DOT1L: variants seen among roughly 807,000 people sequenced by gnomAD.
DOT1L encodes the protein histone-lysine N-methyltransferase, H3 lysine-79 specific.
A neutral mutation model predicts 153.3 loss-of-function variants in DOT1L; 33 were observed. The ratio of observed to expected loss-of-function variants is 0.22; its 90% CI spans 0.16 to 0.29. DOT1L has a LOEUF of 0.29. DOT1L is among the 10% of genes least tolerant of loss of function. The probability of loss-of-function intolerance (pLI) is 1.00; values close to 1 mark genes in which losing one functional copy is unlikely to be tolerated. For synonymous variants in DOT1L, 1,135 were observed against 965.1 expected (o/e 1.18, Z -3.26); for missense variants, 1,847 against 2,119.9 (o/e 0.87, Z 2.53).
At chr19:2,176,661 A>G (rs370476274) in intron 1 of DOT1L, among the ~76,000 whole-genome samples, 2 of 152,318 alleles carry the variant, frequency 1.3e-5, no homozygotes, top group East Asian at 3.9e-4. Context: ...TTGGGCCGAC[A>G]GCCCCCTCCA....
Position 2,220,513 on chromosome 19 carries a change from G to C in DOT1L, c.2806+291G>C. On this transcript the variant is annotated intron_variant, in intron 23 of 27. Coordinates refer to ENST00000398665, the MANE Select transcript of DOT1L (RefSeq NM_032482.3). The surrounding 1 kb of genome is among the most constrained non-coding windows in gnomAD (Gnocchi z 4.5). ...GAGGTCGGCCCCAGTGCTCTCGGGG[G>C]CTCCTGTACTCACAGCTGGGAGGCC... 3.8e-6 allele frequency: 2 copies of C among 531,348 alleles called. No individual in the cohort carries two copies. 32.9% of individuals were successfully genotyped at this position (531,348 alleles called of 1,614,324 possible).
rs188729048 is a variant in DOT1L at position 2,185,956 on chromosome 19, C to T, written c.200+27C>T. 802 of 1,608,444 alleles carry T rather than the reference C, an allele frequency of 5.0e-4. 4 individuals carry two copies. In the African/African-American group the frequency reaches 6.2e-3, roughly 13 times the overall value. On this transcript the variant is annotated intron_variant, in intron 3 of 27. Coordinates refer to ENST00000398665, the MANE Select transcript of DOT1L (RefSeq NM_032482.3). ...TAAGCAGAGTCCTGTCCAGCCGCTC[C>T]GCTCCGAGGACAGACTCGGCTCTTG...
At chr19:2,178,980 CAG>C (rs2022096634) in intron 1 of DOT1L, among the ~76,000 whole-genome samples, 1 of 152,218 alleles carries the variant, frequency 6.6e-6, no homozygotes, top group Non-Finnish European at 1.5e-5. Context: ...GCTGTGGCCT[CAG>C]TGGCATATAC....
intron 3 of DOT1L, chr19:2,188,287 C>G (rs111704066): frequency 3.0e-4 from 45 of 151,764 alleles, no homozygotes; most frequent in Admixed American, 3.0e-3. Context: ...ATGCAGTGCC[C>G]AGGTGAATTC....
At chr19:2,198,933 C>T (rs1324047089) in intron 7 of DOT1L, among the ~76,000 whole-genome samples, 3 of 152,196 alleles carry the variant, frequency 2.0e-5, no homozygotes, top group South Asian at 2.1e-4. Context: ...TGCGCGGCCT[C>T]GCTGTGCTGT....
rs189233432 is a variant in DOT1L, at chr19:2,220,007, C to T, written c.2692-101C>T. 4.6e-5 allele frequency: 52 copies of T among 1,135,560 alleles called. No homozygotes were observed. In the African/African-American group the frequency reaches 5.4e-4, roughly 12 times the overall value. 70.3% of individuals were successfully genotyped at this position (1,135,560 alleles called of 1,614,324 possible). On this transcript the variant is annotated intron_variant, in intron 22 of 27. Coordinates refer to ENST00000398665, the MANE Select transcript of DOT1L (RefSeq NM_032482.3). This position sits in a 1 kb window ranked among gnomAD's most constrained non-coding sequence, Gnocchi z 4.5. Reference sequence around the variant, plus strand: ...TACTGGACGGTGACCCCGGCGGCCTCCCCCAGCCAGCTGCAGGCCTCAACA... The same window carrying T: ...TACTGGACGGTGACCCCGGCGGCCTTCCCCAGCCAGCTGCAGGCCTCAACA...
chr19:2,216,103 T>C, intron 19 of DOT1L, 178 bp from the exon 20 acceptor site: 1 of 829,696 alleles, frequency 1.2e-6, no homozygotes, highest in Non-Finnish European at 1.8e-6. Flanking sequence ...CCACATGACT[T>C]TATTTGACGC....
chr19:2,204,252 C>T lies in DOT1L; in HGVS notation c.787+1473C>T, dbSNP rs544259561. Among the ~76,000 whole-genome samples, 4 of 151,286 alleles carry T rather than the reference C, an allele frequency of 2.6e-5. No homozygotes were observed. The highest frequency in any genetic ancestry group is 9.7e-5 in the African/African-American group (4 of 41,174). On this transcript the variant is annotated intron_variant, in intron 9 of 27. Coordinates refer to ENST00000398665, the MANE Select transcript of DOT1L (RefSeq NM_032482.3). This position sits in a 1 kb window ranked among gnomAD's most constrained non-coding sequence, Gnocchi z 5.7. ...GTGCATGCCTGTGTGTGTGCGTGCCCGTGTGCCTCCGTGTCTATGTATGTG... is the reference window on the plus strand; with the variant it reads ...GTGCATGCCTGTGTGTGTGCGTGCCTGTGTGCCTCCGTGTCTATGTATGTG...
At chr19:2,201,766 G>T (rs1406667212) in intron 8 of DOT1L, among the ~76,000 whole-genome samples, 3 of 152,230 alleles carry the variant, frequency 2.0e-5, no homozygotes, top group African/African-American at 7.2e-5. Context: ...TCTGGGCTCG[G>T]CCCAGGCTCT....
intron 10 of DOT1L, 117 bp downstream of exon 10, chr19:2,206,914 G>T: frequency 1.9e-6 from 2 of 1,060,932 alleles, no homozygotes; most frequent in Non-Finnish European, 2.9e-6. Context: ...TCCTTCTGTG[G>T]GGTGGGGCTG....
Position 2,220,573 on chromosome 19 carries a change from C to T in DOT1L, c.2806+351C>T. The T allele has an allele frequency of 2.1e-6, 1 of 479,142 alleles. No homozygotes were observed. Among genetic ancestry groups the T allele is most frequent in the Non-Finnish European group, 4.1e-6 (1 of 241,356 alleles). The allele number at this position is 479,142 out of a possible 1,614,324, so 29.7% of individuals were successfully genotyped here. ...GGATCGGCTCCACACACAGCAGTGCCCAATGGCACACGACCGTGGGCCTCC... is the reference window on the plus strand; with the variant it reads ...GGATCGGCTCCACACACAGCAGTGCTCAATGGCACACGACCGTGGGCCTCC... On this transcript the variant is annotated intron_variant, in intron 23 of 27. Transcript: ENST00000398665. The surrounding 1 kb of genome is among the most constrained non-coding windows in gnomAD (Gnocchi z 4.5).
In DOT1L at chr19:2,214,530, G is replaced by A; in HGVS notation, c.1857G>A (p.Leu619=). 7.4e-6 allele frequency: 12 copies of A among 1,613,270 alleles called. No individual in the cohort carries two copies. Among genetic ancestry groups the A allele is most frequent in the Non-Finnish European group, 1.0e-5 (12 of 1,179,934 alleles). ...LDWATLSLEK[L]LKEKQALKSQ... is the part of the protein sequence containing the mutation. ...GGGCCACGCTGTCGCTGGAGAAGCT[G>A]TTGAAGGAGAAGCAGGCCCTGAAGA... The change falls in exon 19 of 28, where the codon CTG becomes CTA. Residue 619 remains leucine (L), a synonymous_variant. Coordinates refer to ENST00000398665, the MANE Select transcript of DOT1L (RefSeq NM_032482.3).
intron 1 of DOT1L, among the ~76,000 whole-genome samples, chr19:2,169,844 T>TA (rs1442723656): frequency 6.6e-6 from 1 of 152,020 alleles, no homozygotes; most frequent in African/African-American, 2.4e-5. Context: ...TATCTTAAAA[T>TA]AAAAAGTTTA....
At position 2,208,163 on chromosome 19, in the gene DOT1L, G is replaced by GGCCT. The variant is rs2023576586; in HGVS notation, c.963+492_963+495dup. 1.3e-5 allele frequency among the ~76,000 whole-genome samples: 2 copies of GGCCT among 152,070 alleles called. No individual in the cohort carries two copies. The highest frequency in any genetic ancestry group is 4.1e-4 in the South Asian group (2 of 4,826). On this transcript the variant is annotated intron_variant, in intron 11 of 27. Coordinates refer to ENST00000398665, the MANE Select transcript of DOT1L (RefSeq NM_032482.3). The surrounding 1 kb of genome is among the most constrained non-coding windows in gnomAD (Gnocchi z 4.4). Reference sequence around the variant, plus strand: ...CTGACACAGCCCTGGGCCAGTGTGCGGCCTGCCTGCCTCCCACGGTGCTTC... The same window carrying GGCCT: ...CTGACACAGCCCTGGGCCAGTGTGCGGCCTGCCTGCCTGCCTCCCACGGTGCTTC...
intron 1 of DOT1L, among the ~76,000 whole-genome samples, chr19:2,176,328 A>T (rs1481884121): frequency 6.6e-6 from 1 of 152,160 alleles, no homozygotes; most frequent in Non-Finnish European, 1.5e-5. Flanking sequence ...TGGTGGGGAC[A>T]CTGTCTCCCT....
chr19:2,171,802 G>A (rs1305202063), intron 1 of DOT1L, among the ~76,000 whole-genome samples: 1 of 152,208 alleles, frequency 6.6e-6, no homozygotes, highest in Non-Finnish European at 1.5e-5. Flanking sequence ...TTAGCGTAAT[G>A]GGAGTGTATT....
Position 2,207,665 on chromosome 19 carries a change from T to C in DOT1L, c.948T>C (p.Thr316=). Residue 316 remains threonine (T), a synonymous_variant, in exon 11 of 28, where the codon ACT becomes ACC. Transcript: ENST00000398665. This position sits in a 1 kb window ranked among gnomAD's most constrained non-coding sequence, Gnocchi z 4.5. ...TGKPVSYYLH[T]IDRTILENYF... is the part of the protein sequence containing the mutation. Reference sequence around the variant, plus strand: ...AGCCAGTCTCCTACTACCTGCACACTATCGACCGCACCATAGTGAGTATCT... The same window carrying C: ...AGCCAGTCTCCTACTACCTGCACACCATCGACCGCACCATAGTGAGTATCT... 6.2e-7 allele frequency: 1 copy of C among 1,612,342 alleles called. No homozygotes were observed. Among genetic ancestry groups the C allele is most frequent in the Non-Finnish European group, 8.5e-7 (1 of 1,179,606 alleles).
chr19:2,221,735 C>T, intron 23 of DOT1L: 2 of 509,004 alleles, frequency 3.9e-6, no homozygotes, highest in South Asian at 7.3e-5. Flanking sequence ...TCAGCCGGGA[C>T]CTGCAGGGCA....
Position 2,191,507 on chromosome 19 carries a change from C to T in DOT1L, c.493+267C>T, listed in dbSNP as rs562632943. On this transcript the variant is annotated intron_variant, in intron 5 of 27. Coordinates refer to ENST00000398665, the MANE Select transcript of DOT1L (RefSeq NM_032482.3). This position sits in a 1 kb window ranked among gnomAD's most constrained non-coding sequence, Gnocchi z 6.8. ...AGGTGCCCGGAGACTCTGCTTTCGTCCTGCTTCCCACCAGCTGGGGAGCTA... is the reference window on the plus strand; with the variant it reads ...AGGTGCCCGGAGACTCTGCTTTCGTTCTGCTTCCCACCAGCTGGGGAGCTA... Among the ~76,000 whole-genome samples, 4 of 152,218 alleles carry T rather than the reference C, an allele frequency of 2.6e-5. No individual in the cohort carries two copies. The highest frequency in any genetic ancestry group is 4.1e-4 in the South Asian group (2 of 4,820).
Sources: allele counts gnomAD v4.1 joint callset (sites outside exome capture counted in the v4.1 genomes callset), GRCh38; gene constraint gnomAD v4.1.1; non-coding constraint Gnocchi (gnomAD v3.1); transcripts MANE v1.5; gene names NCBI Gene and HGNC (gene_info 2026-07-23, HGNC 2026-07-21).